MAN2B2: variants seen among roughly 807,000 people sequenced by gnomAD.
MAN2B2 encodes the protein mannosidase alpha class 2B member 2.
Under a neutral mutation model 117.1 loss-of-function variants are expected in MAN2B2, and 106 were observed. That is an observed-to-expected ratio of 0.90 (90% confidence interval 0.77 to 1.06). The LOEUF is 1.06. Among genes scored for constraint, MAN2B2 ranks in the 50% least tolerant of loss-of-function variants. The pLI is 0.00. For synonymous variants in MAN2B2, 544 were observed against 595.1 expected, an observed-to-expected ratio of 0.91 and a Z score of 1.25; for missense variants, 1,326 against 1,381.4, an observed-to-expected ratio of 0.96 and a Z score of 0.64.
chr4:6,581,709 C>T (rs1726432853), intron 3 of MAN2B2, among the ~76,000 whole-genome samples: 1 of 150,914 alleles, frequency 6.6e-6, no homozygotes, highest in Admixed American at 6.6e-5. Flanking sequence ...GCCTCTAGAC[C>T]TCTGACCTTC....
chr4:6,620,258 C>T (rs752790995), intron 18 of MAN2B2: 8 of 517,254 alleles, frequency 1.5e-5, no homozygotes, highest in East Asian at 6.8e-5. Context: ...TCCACACAGG[C>T]GTGTGTGTGC....
chr4:6,592,035 C>T (rs1726878898), intron 5 of MAN2B2, among the ~76,000 whole-genome samples: 1 of 152,212 alleles, frequency 6.6e-6, no homozygotes, highest in South Asian at 2.1e-4. Flanking sequence ...ATTCAGGCCA[C>T]CAGCTCTGCA....
intron 4 of MAN2B2, among the ~76,000 whole-genome samples, chr4:6,588,292 G>A (rs1315591683): frequency 5.9e-5 from 9 of 152,142 alleles, no homozygotes; most frequent in Non-Finnish European, 7.4e-5. Context: ...TGGATGCCCC[G>A]CTTCTTTCAG....
chr4:6,589,292 G>C, intron 5 of MAN2B2, 132 bp downstream of exon 5: 1 of 651,998 alleles, frequency 1.5e-6, no homozygotes, highest in East Asian at 2.9e-5. Flanking sequence ...CCAGGCCGGA[G>C]TGCAGTAGCG....
intron 4 of MAN2B2, among the ~76,000 whole-genome samples, chr4:6,588,188 G>C (rs1161106307): frequency 6.6e-6 from 1 of 152,144 alleles, no homozygotes; most frequent in African/African-American, 2.4e-5. Context: ...CATGGTTCTG[G>C]AGGCTGGAAG....
In MAN2B2 at chr4:6,587,046, T is replaced by C. The variant is rs1442526930; in HGVS notation, c.442T>C (p.Trp148Arg). The change falls in exon 4 of 19, where the codon TGG (tryptophan) becomes CGG (arginine). Residue 148 changes from tryptophan (W) to arginine (R), a missense_variant. Trp to Arg is a moderately radical substitution (Grantham distance 101). Transcript: ENST00000285599. ...ATTTGGGATCCGGCCACAGTTCTCC[T>C]GGCACGTTGACCCGTTTGGCGCCTC... ...ETFGIRPQFS[W>R]HVDPFGASAT... The C allele has an allele frequency of 1.2e-6, 2 of 1,614,126 alleles. No individual in the cohort carries two copies. Among genetic ancestry groups the C allele is most frequent in the South Asian group, 1.1e-5 (1 of 91,082 alleles).
At chr4:6,583,770 C>T (rs1173912754) in intron 3 of MAN2B2, among the ~76,000 whole-genome samples, 2 of 152,206 alleles carry the variant, frequency 1.3e-5, no homozygotes, top group Non-Finnish European at 2.9e-5. Flanking sequence ...ACGTGAAGGT[C>T]AAGTGCTGTA....
intron 7 of MAN2B2, among the ~76,000 whole-genome samples, chr4:6,595,553 T>G (rs4476670): frequency 0.39 from 59,192 of 152,062 alleles, 12,871 homozygotes; most frequent in East Asian, 0.64. Flanking sequence ...GAAGGCTGAG[T>G]GCAAAAGAAC....
intron 18 of MAN2B2, chr4:6,620,682 G>C: frequency 6.3e-6 from 1 of 159,540 alleles, no homozygotes; most frequent in Non-Finnish European, 1.4e-5. Flanking sequence ...AAGGGACGGA[G>C]GGAGGGAGGG....
chr4:6,620,000 T>A lies in MAN2B2; in HGVS notation c.2888T>A (p.Met963Lys). ...RSLTGTWDLSMLHRWSWRTGP... is the reference protein window; with the variant it reads ...RSLTGTWDLSKLHRWSWRTGP... ...CTCACAGGGACCTGGGATTTGAGCA[T>A]GCTGCACCGCTGGAGCTGGAGGACG... The change falls in exon 18 of 19, where the codon ATG (methionine) becomes AAG (lysine). Residue 963 changes from methionine (M) to lysine (K), a missense_variant. Met to Lys is a moderately conservative substitution (Grantham distance 95). Coordinates refer to ENST00000285599, the MANE Select transcript of MAN2B2 (RefSeq NM_015274.3). 6.2e-7 allele frequency: 1 copy of A among 1,613,836 alleles called. No individual in the cohort carries two copies. Among genetic ancestry groups the A allele is most frequent in the Middle Eastern group, 1.7e-4 (1 of 6,056 alleles).
chr4:6,602,122 G>A (rs151198737), intron 10 of MAN2B2, among the ~76,000 whole-genome samples: 1 of 152,190 alleles, frequency 6.6e-6, no homozygotes, highest in Non-Finnish European at 1.5e-5. Flanking sequence ...GGTGGAGCAG[G>A]CTCCATATTC....
intron 10 of MAN2B2, among the ~76,000 whole-genome samples, chr4:6,603,369 C>T (rs1560653749): frequency 6.6e-6 from 1 of 152,196 alleles, no homozygotes; most frequent in Non-Finnish European, 1.5e-5. Context: ...GCCCCTGGAC[C>T]TGAGCGAGGC....
chr4:6,609,929 G>A lies in MAN2B2; in HGVS notation c.2138G>A (p.Arg713His), dbSNP rs755494506. ...CAAGCCGGCCCCCTGGAGCTGAACCGTGAGGCTGTCCTGAGGACCAGCACC... is the reference window on the plus strand; with the variant it reads ...CAAGCCGGCCCCCTGGAGCTGAACCATGAGGCTGTCCTGAGGACCAGCACC... Reference protein sequence around the residue: ...EYQAGPLELNREAVLRTSTNL... With the variant: ...EYQAGPLELNHEAVLRTSTNL... Residue 713 changes from arginine (R) to histidine (H), a missense_variant, in exon 13 of 19, where the codon CGT (arginine) becomes CAT (histidine). Coordinates refer to ENST00000285599, the MANE Select transcript of MAN2B2 (RefSeq NM_015274.3). The A allele has an allele frequency of 2.5e-5, 40 of 1,614,036 alleles. No homozygotes were observed. Among genetic ancestry groups the A allele is most frequent in the Admixed American group, 6.7e-5 (4 of 60,004 alleles).
chr4:6,602,532 G>A (rs1383009966), intron 10 of MAN2B2, among the ~76,000 whole-genome samples: 1 of 152,186 alleles, frequency 6.6e-6, no homozygotes, highest in African/African-American at 2.4e-5. Context: ...TTGGAATCCG[G>A]ACGTCAGCCA....
At position 6,587,756 on chromosome 4, in the gene MAN2B2, T is replaced by TTTTTG. The variant is rs1261019935; in HGVS notation, c.564+592_564+593insGTTTT. Among the ~76,000 whole-genome samples, 50 of 76,692 alleles carry TTTTTG rather than the reference T, an allele frequency of 6.5e-4. 1 individual carries two copies. In the East Asian group the frequency reaches 0.039, roughly 60 times the overall value. 50.3% of individuals were successfully genotyped at this position (76,692 alleles called of 152,430 possible). ...TGGGGTCTTTTGGGTTGTTGTTTTT[T>TTTTTG]TTTTTTTTTTTTTTTTGAGACAGGG... On this transcript the variant is annotated intron_variant, in intron 4 of 18. Coordinates refer to ENST00000285599, the MANE Select transcript of MAN2B2 (RefSeq NM_015274.3).
chr4:6,602,175 C>T (rs1278119531), intron 10 of MAN2B2, among the ~76,000 whole-genome samples: 1 of 152,266 alleles, frequency 6.6e-6, no homozygotes, highest in Admixed American at 6.5e-5. Context: ...TGCACCCAGG[C>T]CTTGCACTGT....
intron 9 of MAN2B2, 21 bp downstream of exon 9, chr4:6,598,375 A>T (rs748434997): frequency 6.2e-7 from 1 of 1,603,850 alleles, no homozygotes; most frequent in Non-Finnish European, 8.5e-7. Flanking sequence ...CCCTGCAGGG[A>T]GGCTGTGGCC....
chr4:6,620,087 C>A (rs113957103), intron 18 of MAN2B2, 43 bp downstream of exon 18: 13 of 1,519,492 alleles, frequency 8.6e-6, no homozygotes, highest in Non-Finnish European at 3.6e-6. Context: ...GGACTCCCAG[C>A]CAGGCTCAGC....
At position 6,609,160 on chromosome 4, in the gene MAN2B2, A is replaced by G; in HGVS notation, c.1868A>G (p.Asn623Ser). ...VTQEFLEYHV[N>S]GDVKQGPISD... ...CAGGAATTCCTGGAGTACCACGTCA[A>G]CGGGGATGTGAAACAGGGCCCCATT... The change falls in exon 12 of 19, where the codon AAC becomes AGC. Residue 623 changes from asparagine to serine, a missense_variant. Transcript: ENST00000285599. 1 of 1,614,238 alleles carries G rather than the reference A, an allele frequency of 6.2e-7. No homozygotes were observed. The highest frequency in any genetic ancestry group is 8.5e-7 in the Non-Finnish European group (1 of 1,180,036).
Sources: gnomAD v4.1 joint callset for allele counts (sites outside exome capture counted in the v4.1 genomes callset) on GRCh38, gnomAD v4.1.1 for gene constraint, MANE v1.5 for transcripts, NCBI Gene and HGNC (gene_info 2026-07-23, HGNC 2026-07-21) for gene names.